RB1CC1: variants seen among roughly 807,000 people sequenced by gnomAD.
RB1CC1 encodes RB1 inducible coiled-coil 1.
A neutral mutation model predicts 177.5 loss-of-function variants in RB1CC1; 46 were observed. The observed-to-expected ratio is 0.26, with a 90% confidence interval of 0.20 to 0.33. The LOEUF (loss-of-function observed/expected upper bound fraction) is 0.33. RB1CC1 is among the 10% of genes least tolerant of loss of function. The pLI is 1.00. For missense variants in RB1CC1, 1,703 were observed against 1,816.3 expected (o/e 0.94, Z 1.13); for synonymous variants, 666 against 613.6 (o/e 1.09, Z -1.26).
At position 52,683,667 on chromosome 8, in the gene RB1CC1, G is replaced by C; in HGVS notation, c.251C>G (p.Pro84Arg). 1 of 1,610,450 alleles carries C rather than the reference G, an allele frequency of 6.2e-7. No individual in the cohort carries two copies. The highest frequency in any genetic ancestry group is 8.5e-7 in the Non-Finnish European group (1 of 1,178,338). The part of the protein sequence containing the change: ...FNKEMILCDR[P>R]PAIPKTTFST... The stretch of plus-strand genomic sequence containing the variant: ...AAAGGTAGTTTTAGGAATAGCAGGT[G>C]GACGATCACATAAGATCATTTCTTT... Residue 84 changes from proline to arginine, a missense_variant, in exon 5 of 24, where the codon CCA (proline) becomes CGA (arginine). Physicochemically the swap from Pro to Arg is moderately radical, Grantham distance 103. Around this residue, in one of 6 missense-constraint regions of RB1CC1, gnomAD observed 118 missense variants for 121.2 expected, o/e 0.97. Coordinates refer to ENST00000025008, the MANE Select transcript of RB1CC1 (RefSeq NM_014781.5).
At position 52,661,645 on chromosome 8, in the gene RB1CC1, G is replaced by A. The variant is rs372856333; in HGVS notation, c.1248C>T (p.His416=). ...GCAACATAATCATCAACTGATTTGCGTGACTCAGGCATAAATCAGGTAATA... is the reference window on the plus strand; with the variant it reads ...GCAACATAATCATCAACTGATTTGCATGACTCAGGCATAAATCAGGTAATA... The part of the protein sequence containing the change: ...ASVLPDLCLS[H]ANQLMIMLQN... Residue 416 remains histidine (H), a synonymous_variant, in exon 9 of 24, where the codon CAC becomes CAT. Transcript: ENST00000025008. 4.2e-5 allele frequency: 68 copies of A among 1,612,456 alleles called. No individual in the cohort carries two copies. The highest frequency in any genetic ancestry group is 2.0e-4 in the South Asian group (18 of 90,966).
chr8:52,661,236 C>T lies in RB1CC1; in HGVS notation c.1404G>A (p.Lys468=), dbSNP rs769794595. ...TTACGAGGCGGAGCAAAGCTTGTAA[C>T]TTCTCTCCATCTTGATCAGCATGAA... ...VMLHADQDGE[K]LQALLRLVIE... Residue 468 remains lysine (K), a synonymous_variant, in exon 10 of 24, where the codon AAG becomes AAA. Transcript: ENST00000025008. 1.2e-6 allele frequency: 2 copies of T among 1,613,802 alleles called. No homozygotes were observed. The highest frequency in any genetic ancestry group is 1.7e-6 in the Non-Finnish European group (2 of 1,179,852).
rs1554522356 is a variant in RB1CC1, at chr8:52,623,934, A to C, written c.4708-75T>G. ...CTCTCTCTCACACACACACACACAC[A>C]CCCAAAAAACAAAAAGAAACAAAAA... On this transcript the variant is annotated intron_variant, in intron 23 of 23. Coordinates refer to ENST00000025008, the MANE Select transcript of RB1CC1 (RefSeq NM_014781.5). The C allele has an allele frequency of 1.6e-4, 157 of 961,306 alleles. 3 individuals carry two copies. Among genetic ancestry groups the C allele is most frequent in the South Asian group, 1.1e-3 (77 of 72,080 alleles). The allele number at this position is 961,306 out of a possible 1,614,324, so 59.5% of individuals were successfully genotyped here. A position where few individuals can be genotyped will look rare whatever the true frequency, so the allele number is the denominator to read the frequency against.
chr8:52,676,687 G>GT (rs1853159609), intron 5 of RB1CC1, 116 bp from the exon 6 acceptor site: 3 of 897,286 alleles, frequency 3.3e-6, no homozygotes, highest in Non-Finnish European at 5.1e-6. Context: ...ATTTAACAAA[G>GT]TATTTCAAAG....
At chr8:52,700,317 A>C (rs1855933098) in intron 1 of RB1CC1, among the ~76,000 whole-genome samples, 1 of 150,622 alleles carries the variant, frequency 6.6e-6, no homozygotes, top group Non-Finnish European at 1.5e-5. Flanking sequence ...TGAGATCAAG[A>C]GTTCCAGACC....
At chr8:52,660,746 T>C (rs891662514) in intron 11 of RB1CC1, 89 bp from the exon 12 acceptor site, 2 of 1,263,332 alleles carry the variant, frequency 1.6e-6, no homozygotes, top group Non-Finnish European at 2.2e-6. Context: ...AAATTAAAAG[T>C]TGACAGTACT....
At chr8:52,659,043 G>T in intron 12 of RB1CC1, 67 bp from the exon 13 acceptor site, 2 of 767,778 alleles carry the variant, frequency 2.6e-6, no homozygotes, top group Non-Finnish European at 4.0e-6. Flanking sequence ...AAATTTATAT[G>T]ATTTCTTACT....
chr8:52,713,631 C>T (rs1315105544), intron 1 of RB1CC1, among the ~76,000 whole-genome samples: 1 of 152,204 alleles, frequency 6.6e-6, no homozygotes, highest in Non-Finnish European at 1.5e-5. Flanking sequence ...GAGTCCAACA[C>T]AGAATTAAGG....
intron 18 of RB1CC1, among the ~76,000 whole-genome samples, chr8:52,639,054 T>A (rs560819989): frequency 6.6e-6 from 1 of 152,130 alleles, no homozygotes; most frequent in Non-Finnish European, 1.5e-5. Context: ...CAATTATTTT[T>A]ACACATTTTT....
At chr8:52,631,122 G>A (rs913051868) in intron 20 of RB1CC1, among the ~76,000 whole-genome samples, 5 of 152,118 alleles carry the variant, frequency 3.3e-5, no homozygotes, top group Admixed American at 2.0e-4. Context: ...GTAAATGTGC[G>A]ATTTGTGAGA....
chr8:52,666,518 CAAA>C (rs1158339036), intron 8 of RB1CC1, among the ~76,000 whole-genome samples: 30 of 131,084 alleles, frequency 2.3e-4, no homozygotes, highest in Non-Finnish European at 3.2e-4. Flanking sequence ...AACTTCCTCT[CAAA>C]AAAAAAAAAA....
At chr8:52,686,745 T>C in intron 2 of RB1CC1, 108 bp downstream of exon 2, 1 of 322,872 alleles carries the variant, frequency 3.1e-6, no homozygotes, top group South Asian at 2.6e-5. Context: ...CTTAGAGAAT[T>C]ATTAGAGAAG....
At position 52,657,292 on chromosome 8, in the gene RB1CC1, TTTC is replaced by T. The variant is rs1404107625; in HGVS notation, c.2534_2536del (p.Arg845del). The T allele has an allele frequency of 1.2e-6, 2 of 1,607,926 alleles. No homozygotes were observed. Among genetic ancestry groups the T allele is most frequent in the Admixed American group, 1.7e-5 (1 of 59,880 alleles). On this transcript the variant is annotated inframe_deletion, in exon 15 of 24. Coordinates refer to ENST00000025008, the MANE Select transcript of RB1CC1 (RefSeq NM_014781.5). ...AGAACATTTTACTTTTTCAATAATG[TTTC>T]TTATTTCTACTGCTGTACATTTTAA...
chr8:52,635,070 G>T, intron 19 of RB1CC1, 102 bp from the exon 20 acceptor site: 1 of 1,092,676 alleles, frequency 9.2e-7, no homozygotes, highest in Non-Finnish European at 1.3e-6. Context: ...TGTTTGGTTC[G>T]GGTATGAAAA....
chr8:52,633,008 C>T (rs550597878), intron 20 of RB1CC1, among the ~76,000 whole-genome samples: 64 of 152,312 alleles, frequency 4.2e-4, no homozygotes, highest in African/African-American at 1.5e-3. Flanking sequence ...AGGCTAATCA[C>T]AGTTTCAAAA....
Position 52,702,976 on chromosome 8 carries a change from T to G in RB1CC1, c.-167+11099A>C, listed in dbSNP as rs192407863. On this transcript the variant is annotated intron_variant, in intron 1 of 23. Coordinates refer to ENST00000025008, the MANE Select transcript of RB1CC1 (RefSeq NM_014781.5). ...AACAGGGTTTCATAAGCAAATGTAC[T>G]CTTGGGGTTCTAGTAGCAGTACTCT... Among the ~76,000 whole-genome samples the G allele has an allele frequency of 4.8e-4, 73 of 152,258 alleles. 2 individuals are homozygous for G. The highest frequency in any genetic ancestry group is 2.4e-4 in the Non-Finnish European group (16 of 68,022).
At chr8:52,705,862 C>A (rs1278343382) in intron 1 of RB1CC1, among the ~76,000 whole-genome samples, 1 of 152,068 alleles carries the variant, frequency 6.6e-6, no homozygotes, top group African/African-American at 2.4e-5. Context: ...TATTACACAA[C>A]CCTATAAGGT....
chr8:52,674,852 T>C (rs1266830721), intron 6 of RB1CC1, among the ~76,000 whole-genome samples: 1 of 151,800 alleles, frequency 6.6e-6, no homozygotes, highest in Non-Finnish European at 1.5e-5. Flanking sequence ...CTTAAAGATG[T>C]AACAAATTTA....
intron 13 of RB1CC1, among the ~76,000 whole-genome samples, chr8:52,658,601 A>AT (rs1851305739): frequency 7.0e-6 from 1 of 143,088 alleles, no homozygotes; most frequent in Non-Finnish European, 1.5e-5. Flanking sequence ...AAAAAAAAAA[A>AT]GTAAAAAGTC....
Sources: gnomAD v4.1 joint callset for allele counts (sites outside exome capture counted in the v4.1 genomes callset) on GRCh38, gnomAD v4.1.1 for gene constraint, gnomAD v4.1.1 regional missense constraint, MANE v1.5 for transcripts, NCBI Gene and HGNC (gene_info 2026-07-23, HGNC 2026-07-21) for gene names.